The following PCSK5 variants were observed in gnomAD, a reference collection of about 807,000 sequenced individuals.
The protein encoded by PCSK5 is prohormone convertase 5.
In PCSK5, 129 loss-of-function variants were observed where a neutral mutation model predicts 233.2. The observed-to-expected ratio is 0.55, with a 90% CI of 0.48 to 0.64. The LOEUF (loss-of-function observed/expected upper bound fraction) is 0.64, where lower values mean the gene tolerates loss of function less well. Ranked by LOEUF, PCSK5 falls within the 30% of genes least tolerant of loss-of-function variation. PCSK5 has a pLI of 0.00. For missense variants in PCSK5, 2,076 were observed against 2,430.1 expected (o/e 0.85, Z 3.06); for synonymous variants, 825 against 879.2 (o/e 0.94, Z 1.09).
intron 20 of PCSK5, among the ~76,000 whole-genome samples, chr9:76,219,243 G>A (rs1825643306): frequency 6.6e-6 from 1 of 152,178 alleles, no homozygotes; most frequent in Non-Finnish European, 1.5e-5. Flanking sequence ...GATGAATGAT[G>A]AGCCAGCACT....
At chr9:76,131,180 A>C (rs1293834097) in intron 9 of PCSK5, among the ~76,000 whole-genome samples, 3 of 152,136 alleles carry the variant, frequency 2.0e-5, no homozygotes, top group Admixed American at 6.6e-5. Flanking sequence ...TCACGTCTGC[A>C]TCATCCCTGT....
chr9:75,960,518 GTGAAAGGGCA>G (rs1825303838), intron 2 of PCSK5, among the ~76,000 whole-genome samples: 1 of 152,204 alleles, frequency 6.6e-6, no homozygotes, highest in African/African-American at 2.4e-5. Context: ...ATGTGATCAT[GTGAAAGGGCA>G]TGAATAAAGA....
At chr9:76,338,914 T>C (rs1829755865) in intron 35 of PCSK5, among the ~76,000 whole-genome samples, 1 of 152,088 alleles carries the variant, frequency 6.6e-6, no homozygotes, top group African/African-American at 2.4e-5. Context: ...TCCTTGACTC[T>C]TCTCCTTCCC....
At chr9:76,038,330 C>T (rs1376214509) in intron 5 of PCSK5, among the ~76,000 whole-genome samples, 2 of 152,142 alleles carry the variant, frequency 1.3e-5, no homozygotes, top group Non-Finnish European at 2.9e-5. Context: ...AAGAGGGACA[C>T]GTTTGTCTCT....
At position 76,145,061 on chromosome 9, in the gene PCSK5, G is replaced by A. The variant is rs191946865; in HGVS notation, c.1312+10849G>A. ...AATCGCTTGAACCTGGGAGGCAGAGGTTGCAGTGAGCCAAGATTGTGCCGC... is the reference window on the plus strand; with the variant it reads ...AATCGCTTGAACCTGGGAGGCAGAGATTGCAGTGAGCCAAGATTGTGCCGC... On this transcript the variant is annotated intron_variant, in intron 10 of 37. Transcript: ENST00000674117. 3.5e-3 allele frequency among the ~76,000 whole-genome samples: 529 copies of A among 152,258 alleles called. 3 individuals are homozygous for A. The highest frequency in any genetic ancestry group is 3.5e-3 in the Non-Finnish European group (240 of 68,024).
intron 3 of PCSK5, among the ~76,000 whole-genome samples, chr9:75,994,396 CTTTCTTTTTTTTTTTTTTTTTTTT>C (rs573562718): frequency 0.069 from 4,735 of 68,146 alleles, 386 homozygotes; most frequent in African/African-American, 0.078. Flanking sequence ...TTCTTTCTTT[CTTTCTTTTTTTTTTTTTTTTTTTT>C]TTTTTTTTTT....
chr9:75,980,810 G>C (rs1453146643), intron 2 of PCSK5, among the ~76,000 whole-genome samples: 3 of 150,802 alleles, frequency 2.0e-5, no homozygotes, highest in Non-Finnish European at 4.4e-5. Flanking sequence ...AAAATTTCTA[G>C]GATCTGTTGC....
rs13287289 is a variant in PCSK5 at position 75,930,552 on chromosome 9, A to T, written c.193-1827A>T. 5.9e-3 allele frequency among the ~76,000 whole-genome samples: 898 copies of T among 152,292 alleles called. 8 individuals are homozygous for T. The highest frequency in any genetic ancestry group is 0.037 in the Middle Eastern group (11 of 294). The stretch of plus-strand genomic sequence containing the variant: ...GAAATAGTATTAATTGTTGACTGAT[A>T]CTATTTATTTTGAGGGCAAAGGGAA... On this transcript the variant is annotated intron_variant, in intron 1 of 37. Coordinates refer to ENST00000674117, the MANE Select transcript of PCSK5 (RefSeq NM_001372043.1).
At chr9:76,206,086 G>T (rs886129245) in intron 20 of PCSK5, among the ~76,000 whole-genome samples, 24 of 152,168 alleles carry the variant, frequency 1.6e-4, no homozygotes, top group Non-Finnish European at 1.8e-4. Context: ...GGGACAGCCT[G>T]TTCAAACACA....
intron 10 of PCSK5, among the ~76,000 whole-genome samples, chr9:76,150,874 C>T (rs1223455007): frequency 1.3e-5 from 2 of 152,082 alleles, no homozygotes; most frequent in Admixed American, 6.6e-5. Flanking sequence ...TTTCTGGGAG[C>T]GTTCTGGCTT....
At chr9:76,328,815 T>A (rs1829446173) in intron 33 of PCSK5, among the ~76,000 whole-genome samples, 1 of 151,872 alleles carries the variant, frequency 6.6e-6, no homozygotes, top group Non-Finnish European at 1.5e-5. Flanking sequence ...CTTTTTTGTT[T>A]GTTTGTTTGT....
intron 13 of PCSK5, among the ~76,000 whole-genome samples, chr9:76,172,165 T>G (rs1057284934): frequency 4.6e-5 from 7 of 152,228 alleles, no homozygotes; most frequent in African/African-American, 1.7e-4. Flanking sequence ...TGTCATTTAT[T>G]TATTATTACA....
At chr9:76,355,739 T>C (rs558238165) in intron 37 of PCSK5, among the ~76,000 whole-genome samples, 3 of 152,196 alleles carry the variant, frequency 2.0e-5, no homozygotes, top group African/African-American at 7.2e-5. Flanking sequence ...AGTGTGGCTC[T>C]GTCACCCAGG....
chr9:76,082,021 C>A (rs1830859782), intron 7 of PCSK5, among the ~76,000 whole-genome samples: 1 of 152,054 alleles, frequency 6.6e-6, no homozygotes, highest in Non-Finnish European at 1.5e-5. Context: ...ATAGGCAAAT[C>A]TTGTCATTTT....
At chr9:75,975,390 T>C (rs146324178) in intron 2 of PCSK5, among the ~76,000 whole-genome samples, 6 of 152,244 alleles carry the variant, frequency 3.9e-5, no homozygotes, top group Admixed American at 3.9e-4. Context: ...AAGTGGTGTG[T>C]TATATTGAGA....
chr9:76,259,629 C>T (rs957653615), intron 24 of PCSK5, among the ~76,000 whole-genome samples: 2 of 152,142 alleles, frequency 1.3e-5, no homozygotes. Flanking sequence ...GAGACTTGAT[C>T]GATTCTATTT....
intron 34 of PCSK5, among the ~76,000 whole-genome samples, chr9:76,334,096 G>GA (rs1829612016): frequency 1.3e-5 from 2 of 152,258 alleles, no homozygotes; most frequent in South Asian, 4.1e-4. Flanking sequence ...CAGGCAAAGA[G>GA]AGAGAATGAG....
chr9:75,955,249 G>A (rs916166972), intron 2 of PCSK5, among the ~76,000 whole-genome samples: 4 of 152,072 alleles, frequency 2.6e-5, no homozygotes, highest in African/African-American at 9.7e-5. Context: ...GCTATCTCCT[G>A]CATTTGTTTT....
At chr9:75,951,121 C>A (rs1473947776) in intron 2 of PCSK5, among the ~76,000 whole-genome samples, 4 of 152,206 alleles carry the variant, frequency 2.6e-5, no homozygotes, top group South Asian at 2.1e-4. Context: ...AGAGTCCAAA[C>A]TGGCACTGAA....
Sources: allele counts gnomAD v4.1 joint callset (sites outside exome capture counted in the v4.1 genomes callset), GRCh38; gene constraint gnomAD v4.1.1; transcripts MANE v1.5; gene names NCBI Gene and HGNC (gene_info 2026-07-23, HGNC 2026-07-21).